Variants in EMC3 observed in about 807,000 individuals in gnomAD.
The protein encoded by EMC3 is 30 kDa protein.
Under a neutral mutation model 36.6 loss-of-function variants are expected in EMC3, and 13 were observed. The observed-to-expected ratio is 0.35, with a 90% CI of 0.23 to 0.56. The LOEUF (loss-of-function observed/expected upper bound fraction) is 0.56, where lower values mean the gene tolerates loss of function less well. EMC3 is among the 20% of genes least tolerant of loss of function. The pLI is 0.84. For missense variants in EMC3, 220 were observed against 324.5 expected (o/e 0.68, Z 2.47); for synonymous variants, 120 against 111.9 (o/e 1.07, Z -0.46).
intron 5 of EMC3, among the ~76,000 whole-genome samples, chr3:9,972,268 A>T (rs778163362): frequency 1.3e-5 from 2 of 152,036 alleles, no homozygotes; most frequent in Non-Finnish European, 2.9e-5. Flanking sequence ...CATAAGCTCA[A>T]GGGTATTACT....
At chr3:9,981,127 G>C (rs995621300) in intron 1 of EMC3, among the ~76,000 whole-genome samples, 1 of 152,156 alleles carries the variant, frequency 6.6e-6, no homozygotes, top group South Asian at 2.1e-4. Context: ...ACTTGAGCCC[G>C]GGAGATCGAG....
In EMC3 at chr3:10,001,405, CAAAA is replaced by C. The variant is rs60785369; in HGVS notation, c.-242+9614_-242+9617del. Among the ~76,000 whole-genome samples the C allele has an allele frequency of 1.8e-4, 14 of 79,654 alleles. No homozygotes were observed. In the East Asian group the frequency reaches 6.0e-3, roughly 34 times the overall value. 52.3% of individuals were successfully genotyped at this position (79,654 alleles called of 152,430 possible). ...TGAAACCCTGTCTCTGCTAAAAATA[CAAAA>C]AAAAAAAAAAAAAAAAAAATTAGCC... is the stretch of plus-strand genomic sequence containing the variant. On this transcript the variant is annotated intron_variant, in intron 1 of 8. Coordinates refer to the EMC3 transcript ENST00000470827.
At chr3:9,987,920 T>A, upstream of EMC3, 1 of 1,027,080 alleles carries the variant, frequency 9.7e-7, no homozygotes, top group Non-Finnish European at 1.5e-6. Context: ...TCTCTGAGCT[T>A]CGGGAGAAGT....
intron 1 of EMC3, chr3:9,993,148 T>C: frequency 1.6e-6 from 1 of 641,318 alleles, no homozygotes; most frequent in Non-Finnish European, 2.8e-6. Context: ...ACATTTTAAT[T>C]GTCTATCTCA....
At chr3:9,966,223 CTGTT>C in intron 7 of EMC3, among the ~76,000 whole-genome samples, 1 of 149,752 alleles carries the variant, frequency 6.7e-6, no homozygotes, top group East Asian at 2.0e-4. Flanking sequence ...GAAGTGGTAT[CTGTT>C]TTTTTTTTTT....
At chr3:10,003,291 G>A (rs1455071205) in intron 1 of EMC3, 1 of 448,826 alleles carries the variant, frequency 2.2e-6, no homozygotes, top group Non-Finnish European at 4.5e-6. Context: ...TAAGGAGGCT[G>A]TGACTGCCGC....
chr3:9,973,612 A>G lies in EMC3; in HGVS notation c.494+16T>C, dbSNP rs758239754. 2 of 1,612,398 alleles carry G rather than the reference A, an allele frequency of 1.2e-6. No individual in the cohort carries two copies. Among genetic ancestry groups the G allele is most frequent in the East Asian group, 2.2e-5 (1 of 44,866 alleles). On this transcript the variant is annotated intron_variant, in intron 5 of 7. Coordinates refer to ENST00000245046, the MANE Select transcript of EMC3 (RefSeq NM_001394674.1). ...AGTGTGGTTTGTGTTTTTATTAAAC[A>G]AAAGAAAGTTCTTACCAGGATGCAT...
intron 1 of EMC3, among the ~76,000 whole-genome samples, chr3:9,994,599 T>C (rs1021805274): frequency 2.0e-5 from 3 of 152,142 alleles, no homozygotes; most frequent in Non-Finnish European, 4.4e-5. Context: ...AGACAGAGTT[T>C]CGTTCTTGTT....
At position 9,968,568 on chromosome 3, in the gene EMC3, A is replaced by G. The variant is rs189824250; in HGVS notation, c.657+1151T>C. 27 of 152,334 alleles carry G rather than the reference A, an allele frequency of 1.8e-4. No individual in the cohort carries two copies. In the East Asian group the frequency reaches 5.2e-3, roughly 29 times the overall value. The allele number at this position is 152,334 out of a possible 1,614,324, so 9.4% of individuals were successfully genotyped here. On this transcript the variant is annotated intron_variant, in intron 7 of 7. Transcript: ENST00000245046. ...TGTCTTGTTCTTAATCTTAAAGGGA[A>G]AGCTTTCAGTCTTTCACCATTGAGT...
At chr3:9,983,628 C>T (rs917722247) in intron 1 of EMC3, among the ~76,000 whole-genome samples, 3 of 151,656 alleles carry the variant, frequency 2.0e-5, no homozygotes, top group East Asian at 1.9e-4. Flanking sequence ...GCCAAGATTG[C>T]GCCACTGCAC....
At chr3:10,001,883 C>G (rs1162607857) in intron 1 of EMC3, among the ~76,000 whole-genome samples, 2 of 151,850 alleles carry the variant, frequency 1.3e-5, no homozygotes, top group Non-Finnish European at 2.9e-5. Context: ...CCTGTAGTCC[C>G]GGCTACTCAG....
At chr3:9,971,029 TCTC>T (rs1194746301) in intron 5 of EMC3, among the ~76,000 whole-genome samples, 1 of 151,900 alleles carries the variant, frequency 6.6e-6, no homozygotes, top group Non-Finnish European at 1.5e-5. Context: ...TTCAAGAGAT[TCTC>T]CTGCCTCAAC....
intron 1 of EMC3, among the ~76,000 whole-genome samples, chr3:9,983,403 C>A (rs1477928433): frequency 1.3e-5 from 2 of 152,142 alleles, no homozygotes; most frequent in Non-Finnish European, 2.9e-5. Flanking sequence ...CCACCTCAGC[C>A]TCCCTAAGTG....
At chr3:9,999,294 TGC>T (rs2086168998) in intron 1 of EMC3, among the ~76,000 whole-genome samples, 1 of 151,224 alleles carries the variant, frequency 6.6e-6, no homozygotes, top group Non-Finnish European at 1.5e-5. Context: ...CAGGCTGGAG[TGC>T]AGTGGTACGA....
Position 9,964,047 on chromosome 3 carries a change from A to G in EMC3, c.*22T>C. 1.2e-6 allele frequency: 2 copies of G among 1,612,496 alleles called. No homozygotes were observed. Among genetic ancestry groups the G allele is most frequent in the Non-Finnish European group, 1.7e-6 (2 of 1,179,348 alleles). On this transcript the variant is annotated 3_prime_UTR_variant, in exon 8 of 8. Coordinates refer to ENST00000245046, the MANE Select transcript of EMC3 (RefSeq NM_001394674.1). ...TTAAGTGCAACTCCAAGTTCCTGAC[A>G]CAGCTAATCCCTGCTCGGTCTTCAA...
chr3:9,995,075 C>G (rs1274359748), intron 1 of EMC3, among the ~76,000 whole-genome samples: 1 of 152,082 alleles, frequency 6.6e-6, no homozygotes, highest in Admixed American at 6.5e-5. Flanking sequence ...GCAGTAGTTG[C>G]AGCTGACATG....
chr3:9,976,176 A>G (rs4425242), intron 3 of EMC3, among the ~76,000 whole-genome samples: 34,279 of 151,910 alleles, frequency 0.23, 4,496 homozygotes, highest in African/African-American at 0.36. Flanking sequence ...ACGTGACCTC[A>G]GCTCACTGCA....
In EMC3 at chr3:9,963,841, C is replaced by A; in HGVS notation, c.*228G>T. On this transcript the variant is annotated 3_prime_UTR_variant, in exon 8 of 8. Coordinates refer to ENST00000245046, the MANE Select transcript of EMC3 (RefSeq NM_001394674.1). Reference sequence around the variant, plus strand: ...TCTCTGACTTTCATTACTAGAGTCACCAGAAGGAACATTTACAACATTTTA... The same window carrying A: ...TCTCTGACTTTCATTACTAGAGTCAACAGAAGGAACATTTACAACATTTTA... 1.9e-6 allele frequency: 1 copy of A among 518,598 alleles called. No homozygotes were observed. Among genetic ancestry groups the A allele is most frequent in the Non-Finnish European group, 3.2e-6 (1 of 314,246 alleles). 32.1% of individuals were successfully genotyped at this position (518,598 alleles called of 1,614,324 possible).
intron 1 of EMC3, chr3:9,981,578 T>C (rs1487907379): frequency 8.5e-6 from 2 of 235,786 alleles, no homozygotes; most frequent in African/African-American, 2.4e-5. Flanking sequence ...AATTTGCAAC[T>C]GAAGGACATC....
Sources: allele counts gnomAD v4.1 joint callset (sites outside exome capture counted in the v4.1 genomes callset), GRCh38; gene constraint gnomAD v4.1.1; transcripts MANE v1.5; gene names NCBI Gene and HGNC (gene_info 2026-07-23, HGNC 2026-07-21).